The following ACTR3C variants were observed in gnomAD, a reference collection of about 807,000 sequenced individuals.
ACTR3C encodes the protein actin related protein 3C, also known as actin-related protein 3C.
Under a neutral mutation model 26.3 loss-of-function variants are expected in ACTR3C, and 18 were observed. The observed-to-expected ratio is 0.68, with a 90% CI of 0.47 to 1.01. The LOEUF (loss-of-function observed/expected upper bound fraction) is 1.01. Ranked by LOEUF, ACTR3C falls within the 50% of genes least tolerant of loss-of-function variation. The probability of loss-of-function intolerance (pLI) is 0.00; values close to 1 mark genes in which losing one functional copy is unlikely to be tolerated. For synonymous variants in ACTR3C, 55 were observed against 94.5 expected, an observed-to-expected ratio of 0.58 and a Z score of 2.42; for missense variants, 184 against 250.7, an observed-to-expected ratio of 0.73 and a Z score of 1.80.
chr7:150,064,216 C>G, the ACTR3C span, among the ~76,000 whole-genome samples: 1 of 148,746 alleles, frequency 6.7e-6, no homozygotes, highest in Non-Finnish European at 1.5e-5. Context: ...CCCAAAATAG[C>G]TGTAAGCAAG....
At chr7:150,291,510 AT>A (rs1836264259) in intron 3 of ACTR3C, among the ~76,000 whole-genome samples, 1 of 152,204 alleles carries the variant, frequency 6.6e-6, no homozygotes, top group Admixed American at 6.5e-5. Flanking sequence ...AGGTAATTTT[AT>A]TTCTTCAAAT....
At chr7:149,979,604 T>A in the ACTR3C span, among the ~76,000 whole-genome samples, 20 of 152,178 alleles carry the variant, frequency 1.3e-4, no homozygotes, top group African/African-American at 4.6e-4. Flanking sequence ...CTCAATTATT[T>A]TGAGTTACTA....
the ACTR3C span, among the ~76,000 whole-genome samples, chr7:149,936,271 A>G: frequency 6.6e-6 from 1 of 152,202 alleles, no homozygotes; most frequent in African/African-American, 2.4e-5. Context: ...ACTGGCTTCT[A>G]TAACTTTTCC....
chr7:150,057,339 G>A, the ACTR3C span, among the ~76,000 whole-genome samples: 6 of 146,544 alleles, frequency 4.1e-5, no homozygotes, highest in South Asian at 6.5e-4. Context: ...GGAGTGCAAC[G>A]GCATGATCTC....
At chr7:150,004,408 A>C in the ACTR3C span, 1 of 152,098 alleles carries the variant, frequency 6.6e-6, no homozygotes, top group Non-Finnish European at 1.5e-5. Context: ...ATTTTCGTAG[A>C]ATGCCAACTG....
the ACTR3C span, among the ~76,000 whole-genome samples, chr7:150,008,352 G>A: frequency 2.0e-5 from 3 of 152,230 alleles, no homozygotes; most frequent in African/African-American, 7.2e-5. Context: ...CATCCTTCCA[G>A]AGGACAGGGC....
intron 1 of ACTR3C, among the ~76,000 whole-genome samples, chr7:150,308,999 C>T (rs532948506): frequency 1.3e-5 from 2 of 152,128 alleles, no homozygotes; most frequent in African/African-American, 4.8e-5. Flanking sequence ...CCTGACCTCT[C>T]CCGTCTCCCC....
chr7:150,240,545 A>G (rs1287205511), downstream of ACTR3C, among the ~76,000 whole-genome samples: 1 of 152,226 alleles, frequency 6.6e-6, no homozygotes, highest in East Asian at 1.9e-4. Flanking sequence ...ACAAACCTAC[A>G]CATTCTGCAC....
chr7:150,057,160 G>A, the ACTR3C span, among the ~76,000 whole-genome samples: 13 of 151,690 alleles, frequency 8.6e-5, no homozygotes, highest in East Asian at 5.8e-4. Context: ...ATGGAATACC[G>A]AACTCATGAG....
chr7:150,165,401 C>T, the ACTR3C span, among the ~76,000 whole-genome samples: 2 of 151,690 alleles, frequency 1.3e-5, no homozygotes, highest in Non-Finnish European at 2.9e-5. Context: ...TTTTAATGAA[C>T]CATGGCCAGT....
the ACTR3C span, among the ~76,000 whole-genome samples, chr7:150,033,276 C>T: frequency 6.6e-6 from 1 of 152,176 alleles, no homozygotes; most frequent in Admixed American, 6.5e-5. Context: ...GGACCCTTTT[C>T]TTCTCAAACC....
At chr7:150,295,623 A>C (rs2259276) in intron 1 of ACTR3C, among the ~76,000 whole-genome samples, 1 of 134,372 alleles carries the variant, frequency 7.4e-6, no homozygotes, top group Non-Finnish European at 1.6e-5. Context: ...CTTCAATAAC[A>C]TAACACCTAA....
chr7:150,035,280 CGTGGAGAGT>C, the ACTR3C span, among the ~76,000 whole-genome samples: 29 of 59,690 alleles, frequency 4.9e-4, 3 homozygotes, highest in Non-Finnish European at 7.6e-4. Context: ...GTCCCTGCCT[CGTGGAGAGT>C]GCCTCCCCCC....
At chr7:149,967,488 A>G in the ACTR3C span, among the ~76,000 whole-genome samples, 2 of 152,112 alleles carry the variant, frequency 1.3e-5, no homozygotes, top group African/African-American at 4.8e-5. Context: ...TATGTTTTCA[A>G]AAGGTTAAGT....
At chr7:150,132,048 G>A in the ACTR3C span, among the ~76,000 whole-genome samples, 11 of 152,220 alleles carry the variant, frequency 7.2e-5, no homozygotes, top group African/African-American at 1.9e-4. Context: ...GGCTATTGAG[G>A]AATACACAGA....
chr7:150,308,029 C>T lies in ACTR3C; in HGVS notation c.-51-12682G>A, dbSNP rs532345671. ...CAAACTCTGGAGCTGGTCACAGACTCGGGAAGACAGTCTTTCCTTGGTGTC... is the reference window on the plus strand; with the variant it reads ...CAAACTCTGGAGCTGGTCACAGACTTGGGAAGACAGTCTTTCCTTGGTGTC... On this transcript the variant is annotated intron_variant, in intron 1 of 7. Coordinates refer to ENST00000683684, the MANE Select transcript of ACTR3C (RefSeq NM_001164458.2). Among the ~76,000 whole-genome samples the T allele has an allele frequency of 6.6e-5, 10 of 152,280 alleles. No homozygotes were observed. The South Asian group carries it at 1.2e-3, about 19-fold the overall frequency.
At chr7:149,907,478 T>TTCTCTTCTCTCTCTTTC in the ACTR3C span, among the ~76,000 whole-genome samples, 5 of 97,688 alleles carry the variant, frequency 5.1e-5, no homozygotes, top group Admixed American at 6.0e-4. Flanking sequence ...CTCTCTTCTC[T>TTCTCTTCTCTCTCTTTC]TCTCTCTCTC....
chr7:149,908,906 C>T, the ACTR3C span, among the ~76,000 whole-genome samples: 3 of 152,018 alleles, frequency 2.0e-5, no homozygotes, highest in African/African-American at 4.8e-5. Context: ...CTCAGCCTCC[C>T]GAGTAGCTGG....
chr7:150,275,192 G>T (rs1363265583), intron 6 of ACTR3C, among the ~76,000 whole-genome samples: 1 of 152,194 alleles, frequency 6.6e-6, no homozygotes, highest in Admixed American at 6.5e-5. Flanking sequence ...AGCTAGAAGA[G>T]TGTCAAAAAC....
Sources: gnomAD v4.1 joint callset for allele counts (sites outside exome capture counted in the v4.1 genomes callset) on GRCh38, gnomAD v4.1.1 for gene constraint, MANE v1.5 for transcripts, NCBI Gene and HGNC (gene_info 2026-07-23, HGNC 2026-07-21) for gene names.